NFIB: variants seen among roughly 807,000 people sequenced by gnomAD.
NFIB encodes the protein nuclear factor I B.
Under a neutral mutation model 61.5 loss-of-function variants are expected in NFIB, and 11 were observed. The observed-to-expected ratio is 0.18, with a 90% CI of 0.11 to 0.30. NFIB has a LOEUF of 0.30. Ranked by LOEUF, NFIB falls within the 10% of genes least tolerant of loss-of-function variation. The pLI, the probability that NFIB is intolerant of heterozygous loss-of-function variation, is 1.00. For missense variants in NFIB, 471 were observed against 608.9 expected, an observed-to-expected ratio of 0.77 and a Z score of 2.38; for synonymous variants, 260 against 216.5, an observed-to-expected ratio of 1.20 and a Z score of -1.76.
At chr9:14,300,293 A>C (rs748364270) in intron 2 of NFIB, 3 of 398,194 alleles carry the variant, frequency 7.5e-6, no homozygotes, top group Non-Finnish European at 1.3e-5. Context: ...TCGCATAACC[A>C]CTAGTCCTTG....
intron 2 of NFIB, among the ~76,000 whole-genome samples, chr9:14,304,046 G>A (rs1220155618): frequency 1.3e-5 from 2 of 152,182 alleles, no homozygotes; most frequent in African/African-American, 4.8e-5. Flanking sequence ...AAGAGATTTA[G>A]CTTTAAATAA....
At chr9:14,413,000 C>G in the NFIB span, among the ~76,000 whole-genome samples, 8 of 152,276 alleles carry the variant, frequency 5.3e-5, no homozygotes, top group African/African-American at 1.4e-4. Flanking sequence ...CTCCTTCCCT[C>G]AAATCACACC....
At chr9:14,177,393 T>C (rs1694443104) in intron 3 of NFIB, among the ~76,000 whole-genome samples, 1 of 152,182 alleles carries the variant, frequency 6.6e-6, no homozygotes, top group Admixed American at 6.5e-5. Flanking sequence ...ACATTTTATA[T>C]TCTAGGTTTA....
the NFIB span, among the ~76,000 whole-genome samples, chr9:14,517,778 T>TG: frequency 6.6e-6 from 1 of 152,220 alleles, no homozygotes. Context: ...TACAGCATGA[T>TG]GCCTTTTTCC....
chr9:14,482,135 C>T, the NFIB span, among the ~76,000 whole-genome samples: 7 of 129,698 alleles, frequency 5.4e-5, no homozygotes, highest in Non-Finnish European at 1.1e-4. Context: ...TCACTTCTTT[C>T]TCCCAAAAAC....
upstream of NFIB, among the ~76,000 whole-genome samples, chr9:14,401,258 G>A (rs1282813991): frequency 6.6e-6 from 1 of 152,172 alleles, no homozygotes. Flanking sequence ...CATTCACTGA[G>A]TCAATGTCCT....
intron 2 of NFIB, among the ~76,000 whole-genome samples, chr9:14,298,089 T>C (rs2059547402): frequency 6.6e-6 from 1 of 152,202 alleles, no homozygotes; most frequent in South Asian, 2.1e-4. Flanking sequence ...TACTATGTCA[T>C]GAAATTTAGC....
chr9:14,511,604 T>C, the NFIB span, among the ~76,000 whole-genome samples: 1 of 152,210 alleles, frequency 6.6e-6, no homozygotes, highest in Non-Finnish European at 1.5e-5. Context: ...TAGCCTGAGA[T>C]GACACAGCCA....
chr9:14,150,303 C>G (rs371447154), intron 4 of NFIB, 38 bp from the exon 5 acceptor site: 12 of 1,611,908 alleles, frequency 7.4e-6, no homozygotes, highest in Non-Finnish European at 1.0e-5. Context: ...GAATGACATT[C>G]GTATTTCTGA....
the NFIB span, among the ~76,000 whole-genome samples, chr9:14,408,150 G>A: frequency 6.6e-6 from 1 of 152,132 alleles, no homozygotes; most frequent in Non-Finnish European, 1.5e-5. Flanking sequence ...GATGCACATG[G>A]CAATAAGGGA....
chr9:14,485,316 TA>T, the NFIB span, among the ~76,000 whole-genome samples: 1 of 152,068 alleles, frequency 6.6e-6, no homozygotes, highest in Non-Finnish European at 1.5e-5. Context: ...ATATTTAATC[TA>T]AACCCCAAAT....
At chr9:14,159,090 C>A (rs1317682528) in intron 3 of NFIB, among the ~76,000 whole-genome samples, 1 of 152,134 alleles carries the variant, frequency 6.6e-6, no homozygotes, top group African/African-American at 2.4e-5. Context: ...GGGTGTGAGC[C>A]TGTTGGAAGC....
the NFIB span, among the ~76,000 whole-genome samples, chr9:14,413,097 CA>C: frequency 1.3e-5 from 2 of 152,110 alleles, no homozygotes; most frequent in Non-Finnish European, 2.9e-5. Context: ...ACTGCCTTCC[CA>C]TCATGCTCTG....
chr9:14,209,483 T>C (rs1170424284), intron 2 of NFIB, among the ~76,000 whole-genome samples: 1 of 152,248 alleles, frequency 6.6e-6, no homozygotes, highest in Non-Finnish European at 1.5e-5. Context: ...AACACATTAA[T>C]AAAGTTTCTT....
the NFIB span, among the ~76,000 whole-genome samples, chr9:14,481,197 GTATATATATATATATATATATA>G: frequency 2.6e-4 from 12 of 45,826 alleles, no homozygotes; most frequent in South Asian, 9.9e-4. Context: ...GTGTGTGTGT[GTATATATATATATATATATATA>G]TATATATATA....
At chr9:14,512,497 C>T in the NFIB span, among the ~76,000 whole-genome samples, 1 of 152,000 alleles carries the variant, frequency 6.6e-6, no homozygotes, top group Non-Finnish European at 1.5e-5. Flanking sequence ...TGGCATATAA[C>T]TAGATGATTA....
the NFIB span, among the ~76,000 whole-genome samples, chr9:14,486,172 A>T: frequency 6.6e-6 from 1 of 152,202 alleles, no homozygotes; most frequent in Admixed American, 6.5e-5. Flanking sequence ...GGGGAATGTG[A>T]CCTAGAAATA....
intron 4 of NFIB, among the ~76,000 whole-genome samples, chr9:14,155,525 T>C (rs999130303): frequency 6.6e-6 from 1 of 152,138 alleles, no homozygotes; most frequent in African/African-American, 2.4e-5. Context: ...TTAATCACAC[T>C]TCCTTTGATA....
At chr9:14,267,353 T>C (rs1279138158) in intron 2 of NFIB, among the ~76,000 whole-genome samples, 1 of 152,216 alleles carries the variant, frequency 6.6e-6, no homozygotes, top group Non-Finnish European at 1.5e-5. Flanking sequence ...ATGCTTCTTA[T>C]AGATAGCTTT....
Sources: gnomAD v4.1 joint callset for allele counts (sites outside exome capture counted in the v4.1 genomes callset) on GRCh38, gnomAD v4.1.1 for gene constraint, MANE v1.5 for transcripts, NCBI Gene and HGNC (gene_info 2026-07-23, HGNC 2026-07-21) for gene names.